Variants in ARHGAP22 observed in about 807,000 individuals in gnomAD.
ARHGAP22 encodes rho GTPase-activating protein 22.
In ARHGAP22, 48 loss-of-function variants were observed where a neutral mutation model predicts 59.1. The ratio of observed to expected loss-of-function variants is 0.81; its 90% CI spans 0.64 to 1.03. ARHGAP22 has a LOEUF of 1.03. Among genes scored for constraint, ARHGAP22 ranks in the 50% least tolerant of loss-of-function variants. The pLI is 0.00. For synonymous variants in ARHGAP22, 445 were observed against 416.4 expected, an observed-to-expected ratio of 1.07 and a Z score of -0.84; for missense variants, 1,015 against 958.7, an observed-to-expected ratio of 1.06 and a Z score of -0.78.
downstream of ARHGAP22, chr10:48,445,746 G>A (rs2045313984): frequency 6.5e-6 from 1 of 154,704 alleles, no homozygotes. Context: ...CTAGGGCCAT[G>A]GTGGAAAGCC....
At chr10:48,453,182 A>G (rs2046151153) in intron 8 of ARHGAP22, 122 bp downstream of exon 8, 2 of 1,395,956 alleles carry the variant, frequency 1.4e-6, no homozygotes, top group East Asian at 2.4e-5. Flanking sequence ...GAGATGTGCC[A>G]CCTGAGCCAC....
intron 2 of ARHGAP22, among the ~76,000 whole-genome samples, chr10:48,564,906 A>G (rs1330622977): frequency 6.6e-6 from 1 of 152,230 alleles, no homozygotes; most frequent in African/African-American, 2.4e-5. Context: ...TCATTTTGCA[A>G]AGAATGATCC....
At chr10:48,651,728 G>T (rs933868374) in intron 1 of ARHGAP22, among the ~76,000 whole-genome samples, 1 of 152,208 alleles carries the variant, frequency 6.6e-6, no homozygotes, top group African/African-American at 2.4e-5. Flanking sequence ...TATCTCCCAG[G>T]CACTTTACTG....
intron 2 of ARHGAP22, among the ~76,000 whole-genome samples, chr10:48,576,866 T>C (rs114158186): frequency 0.04 from 6,117 of 151,554 alleles, 425 homozygotes; most frequent in African/African-American, 0.14. Flanking sequence ...GCATGGGCAG[T>C]GAGATTTTGC....
At chr10:48,435,003 G>C in the ARHGAP22 span, 2 of 1,609,626 alleles carry the variant, frequency 1.2e-6, no homozygotes, top group African/African-American at 1.3e-5. Flanking sequence ...AGAAGCAGCA[G>C]CTGGGCCTCT....
chr10:48,580,605 T>C (rs1251116875), intron 2 of ARHGAP22, among the ~76,000 whole-genome samples: 1 of 152,172 alleles, frequency 6.6e-6, no homozygotes. Context: ...GGCAACTCCG[T>C]TCACAGTAAT....
chr10:48,619,924 G>C (rs1165410832), intron 1 of ARHGAP22, among the ~76,000 whole-genome samples: 1 of 152,092 alleles, frequency 6.6e-6, no homozygotes, highest in Non-Finnish European at 1.5e-5. Flanking sequence ...CTGCAGAGTG[G>C]AAAAAATATT....
At chr10:48,472,058 T>C (rs1222036498) in intron 4 of ARHGAP22, among the ~76,000 whole-genome samples, 1 of 150,786 alleles carries the variant, frequency 6.6e-6, no homozygotes, top group African/African-American at 2.4e-5. Context: ...AATACAAAAA[T>C]TCACTGGGTG....
chr10:48,471,226 A>T (rs1435614904), intron 4 of ARHGAP22, among the ~76,000 whole-genome samples: 2 of 152,104 alleles, frequency 1.3e-5, no homozygotes, highest in African/African-American at 4.8e-5. Context: ...AGGGCAGTGC[A>T]GTTCCGATGA....
At chr10:48,514,594 G>C (rs1409388031) in intron 3 of ARHGAP22, among the ~76,000 whole-genome samples, 1 of 152,102 alleles carries the variant, frequency 6.6e-6, no homozygotes, top group African/African-American at 2.4e-5. Flanking sequence ...AAATCCTAAA[G>C]GGACTCCTTC....
intron 3 of ARHGAP22, among the ~76,000 whole-genome samples, chr10:48,480,934 G>T (rs1213855678): frequency 6.6e-6 from 1 of 152,262 alleles, no homozygotes; most frequent in Non-Finnish European, 1.5e-5. Flanking sequence ...TGCTCTGAGG[G>T]CTGAGGCAGA....
chr10:48,506,287 A>G (rs189436594), intron 3 of ARHGAP22, among the ~76,000 whole-genome samples: 3 of 152,308 alleles, frequency 2.0e-5, no homozygotes, highest in Admixed American at 2.0e-4. Flanking sequence ...ACAAACCTAG[A>G]CAGTACAGGT....
chr10:48,462,463 GC>G (rs2047238782), intron 4 of ARHGAP22, among the ~76,000 whole-genome samples: 3 of 152,192 alleles, frequency 2.0e-5, no homozygotes, highest in Non-Finnish European at 2.9e-5. Flanking sequence ...AGGCATGGGG[GC>G]TTAAGAATGT....
At chr10:48,534,160 C>T (rs4838417) in intron 3 of ARHGAP22, among the ~76,000 whole-genome samples, 87,958 of 152,162 alleles carry the variant, frequency 0.58, 26,140 homozygotes, top group Admixed American at 0.67. Context: ...TCAGCTGCCA[C>T]GGATGCTGTT....
chr10:48,493,386 A>T (rs2050602409), intron 3 of ARHGAP22: 1 of 1,493,474 alleles, frequency 6.7e-7, no homozygotes, highest in Non-Finnish European at 9.0e-7. Context: ...CGCCCTCCCC[A>T]GTCTCCCAGC....
At chr10:48,609,776 T>C (rs2060810889), upstream of ARHGAP22, among the ~76,000 whole-genome samples, 1 of 152,196 alleles carries the variant, frequency 6.6e-6, no homozygotes, top group African/African-American at 2.4e-5. Flanking sequence ...ACGGGGACCT[T>C]CTACAAGGCC....
chr10:48,596,860 G>T (rs925333318), intron 1 of ARHGAP22, among the ~76,000 whole-genome samples: 3 of 152,172 alleles, frequency 2.0e-5, no homozygotes, highest in Non-Finnish European at 4.4e-5. Context: ...GAGGGCCTCT[G>T]TGAGCTGGTG....
intron 1 of ARHGAP22, among the ~76,000 whole-genome samples, chr10:48,629,885 TG>T (rs763966734): frequency 6.6e-6 from 1 of 152,218 alleles, no homozygotes; most frequent in Non-Finnish European, 1.5e-5. Flanking sequence ...ATCAATGTTT[TG>T]TGGTTTTCTG....
intron 4 of ARHGAP22, among the ~76,000 whole-genome samples, chr10:48,474,165 C>CT (rs903442029): frequency 1.3e-4 from 19 of 151,898 alleles, no homozygotes; most frequent in African/African-American, 3.4e-4. Flanking sequence ...AAGTTTTATA[C>CT]TTTTTTTTGC....
Sources: allele counts gnomAD v4.1 joint callset (sites outside exome capture counted in the v4.1 genomes callset), GRCh38; gene constraint gnomAD v4.1.1; transcripts MANE v1.5; gene names NCBI Gene and HGNC (gene_info 2026-07-23, HGNC 2026-07-21).